Variants in ZNF445 observed in about 807,000 individuals in gnomAD.
The protein encoded by ZNF445 is zinc finger protein 445.
In ZNF445, 19 loss-of-function variants were observed where a neutral mutation model predicts 93.9. That is an observed-to-expected ratio of 0.20 (90% CI 0.14 to 0.30). ZNF445 has a LOEUF of 0.30. Among genes scored for constraint, ZNF445 ranks in the 10% least tolerant of loss-of-function variants. The pLI, the probability that ZNF445 is intolerant of heterozygous loss-of-function variation, is 1.00. For synonymous variants in ZNF445, 449 were observed against 446.3 expected (o/e 1.01, Z -0.08); for missense variants, 1,058 against 1,259.4 (o/e 0.84, Z 2.42).
At position 44,447,245 on chromosome 3, in the gene ZNF445, T is replaced by C; in HGVS notation, c.2426A>G (p.Gln809Arg). Reference protein sequence around the residue: ...FRWSSNLYRHQRIHSLQKQYD... With the variant: ...FRWSSNLYRHRRIHSLQKQYD... ...CTGTTTTTGAAGAGAGTGAATCCTC[T>C]GATGTCGGTAGAGATTGGAACTCCA... Residue 809 changes from glutamine to arginine, a missense_variant, in exon 8 of 8, where the codon CAG (glutamine) becomes CGG (arginine). Gln to Arg is a conservative substitution (Grantham distance 43). Coordinates refer to ENST00000396077, the MANE Select transcript of ZNF445 (RefSeq NM_181489.6). The surrounding 1 kb of genome is among the most constrained non-coding windows in gnomAD (Gnocchi z 4.7). 6.2e-7 allele frequency: 1 copy of C among 1,614,230 alleles called. No homozygotes were observed. Among genetic ancestry groups the C allele is most frequent in the Non-Finnish European group, 8.5e-7 (1 of 1,180,044 alleles).
chr3:44,474,473 C>T (rs1280685301), intron 1 of ZNF445, among the ~76,000 whole-genome samples: 1 of 152,084 alleles, frequency 6.6e-6, no homozygotes, highest in African/African-American at 2.4e-5. Flanking sequence ...GAGATCACGC[C>T]ATTGCACTCC....
At chr3:44,472,942 G>A (rs1018208310) in intron 1 of ZNF445, among the ~76,000 whole-genome samples, 1 of 152,132 alleles carries the variant, frequency 6.6e-6, no homozygotes, top group African/African-American at 2.4e-5. Context: ...AAATGGCTTT[G>A]AAAAGAACAG....
intron 5 of ZNF445, 112 bp downstream of exon 5, chr3:44,450,756 G>C (rs1697945673): frequency 1.6e-6 from 2 of 1,278,850 alleles, no homozygotes; most frequent in African/African-American, 1.5e-5. Flanking sequence ...CTGGAACACG[G>C]GTCTTTGGAT....
In ZNF445 at chr3:44,447,785, T is replaced by G. The variant is rs184649469; in HGVS notation, c.1886A>C (p.Lys629Thr). 6.2e-7 allele frequency: 1 copy of G among 1,614,066 alleles called. No individual in the cohort carries two copies. The highest frequency in any genetic ancestry group is 1.7e-5 in the Admixed American group (1 of 60,018). Residue 629 changes from lysine (K) to threonine (T), a missense_variant, in exon 8 of 8, where the codon AAA (lysine) becomes ACA (threonine). Around this residue, in one of 3 missense-constraint regions of ZNF445, gnomAD observed 14 missense variants for 37.3 expected, o/e 0.38. Transcript: ENST00000396077. The surrounding 1 kb of genome is among the most constrained non-coding windows in gnomAD (Gnocchi z 4.7). The stretch of plus-strand genomic sequence containing the variant: ...TCTCCATCTAAAGGTTTTCCTACAT[T>G]TGGTACATTTATAGGGCTTCTCCTG... Reference protein sequence around the residue: ...HTQEKPYKCTKCRKTFRWRSN... With the variant: ...HTQEKPYKCTTCRKTFRWRSN...
chr3:44,451,558 A>C, intron 3 of ZNF445, 76 bp from the exon 4 acceptor site: 1 of 1,500,394 alleles, frequency 6.7e-7, no homozygotes, highest in Non-Finnish European at 9.1e-7. Flanking sequence ...CCACATGACC[A>C]ATCTCTGAAG....
At position 44,434,638 on chromosome 3, in the gene ZNF445, C is replaced by G. The variant is rs180966166; in HGVS notation, c.*11937G>C. On this transcript the variant is annotated 3_prime_UTR_variant, in exon 8 of 8. Transcript: ENST00000396077. ...AAGGACCTGGGAACTAGATCATGAG[C>G]TGGGCGGCAGAGTTGAGGCAGCCTT... is the stretch of plus-strand genomic sequence containing the variant. The G allele has an allele frequency of 1.3e-4, 20 of 152,290 alleles. No individual in the cohort carries two copies. Among genetic ancestry groups the G allele is most frequent in the Admixed American group, 1.2e-3 (19 of 15,302 alleles). The allele number at this position is 152,290 out of a possible 1,614,324, so 9.4% of individuals were successfully genotyped here. A position where few individuals can be genotyped will look rare whatever the true frequency, so the allele number is the denominator to read the frequency against.
At chr3:44,474,479 A>G (rs1238457329) in intron 1 of ZNF445, among the ~76,000 whole-genome samples, 1 of 152,178 alleles carries the variant, frequency 6.6e-6, no homozygotes, top group Non-Finnish European at 1.5e-5. Flanking sequence ...ACGCCATTGC[A>G]CTCCAGCCAG....
chr3:44,457,608 G>A (rs1698047632), intron 2 of ZNF445, among the ~76,000 whole-genome samples: 1 of 152,140 alleles, frequency 6.6e-6, no homozygotes, highest in African/African-American at 2.4e-5. Flanking sequence ...AAAAGAGGAA[G>A]GGTAGTCTTC....
chr3:44,456,958 G>C (rs1698035685), intron 2 of ZNF445, among the ~76,000 whole-genome samples: 1 of 152,070 alleles, frequency 6.6e-6, no homozygotes, highest in Non-Finnish European at 1.5e-5. Flanking sequence ...CAAAACTCCA[G>C]GTCTACAAAA....
intron 1 of ZNF445, among the ~76,000 whole-genome samples, chr3:44,467,330 A>G (rs1406614692): frequency 6.6e-6 from 1 of 152,240 alleles, no homozygotes; most frequent in Non-Finnish European, 1.5e-5. Context: ...CTTTAGTGCA[A>G]TAAGAATCTG....
intron 1 of ZNF445, among the ~76,000 whole-genome samples, chr3:44,462,524 T>C (rs1393313228): frequency 6.6e-6 from 1 of 152,226 alleles, no homozygotes; most frequent in African/African-American, 2.4e-5. Flanking sequence ...CTGGATTCTA[T>C]TCTTGGCTTC....
At chr3:44,468,323 T>G (rs533379264) in intron 1 of ZNF445, among the ~76,000 whole-genome samples, 49 of 152,336 alleles carry the variant, frequency 3.2e-4, no homozygotes, top group Non-Finnish European at 6.0e-4. Flanking sequence ...TAACTCCATC[T>G]TGCTTCTAAC....
At chr3:44,466,328 C>G (rs1313001686) in intron 1 of ZNF445, among the ~76,000 whole-genome samples, 1 of 152,104 alleles carries the variant, frequency 6.6e-6, no homozygotes, top group African/African-American at 2.4e-5. Flanking sequence ...TCTTTCTAAC[C>G]TAATATTTTA....
At position 44,446,548 on chromosome 3, in the gene ZNF445, C is replaced by T. The variant is rs1482687994; in HGVS notation, c.*27G>A. ...TCTCTAGCAGGGGACTGAGAACCCA[C>T]CCCCACTGTCACTGTCAGGTCCCAG... On this transcript the variant is annotated 3_prime_UTR_variant, in exon 8 of 8. Transcript: ENST00000396077. This position sits in a 1 kb window ranked among gnomAD's most constrained non-coding sequence, Gnocchi z 4.2. The T allele has an allele frequency of 1.2e-6, 2 of 1,613,462 alleles. No homozygotes were observed. The highest frequency in any genetic ancestry group is 8.5e-7 in the Non-Finnish European group (1 of 1,179,932).
rs768349644 is a variant in ZNF445, at chr3:44,446,863, G to C, written c.2808C>G (p.Asp936Glu). ...RSPPARSSSQ[D>E]TKLRLQKLKP... is the part of the protein sequence containing the mutation. ...TTAGCTTCTGTAATCTCAACTTTGT[G>C]TCCTGAGAGGAAGACCGTGCAGGCG... The change falls in exon 8 of 8, where the codon GAC (aspartate) becomes GAG (glutamate). Residue 936 changes from aspartate to glutamate, a missense_variant. By Grantham distance (45) the Asp-to-Glu change is conservative. Coordinates refer to ENST00000396077, the MANE Select transcript of ZNF445 (RefSeq NM_181489.6). The surrounding 1 kb of genome is among the most constrained non-coding windows in gnomAD (Gnocchi z 4.2). The C allele has an allele frequency of 1.9e-6, 3 of 1,614,032 alleles. No homozygotes were observed. The East Asian group carries it at 6.7e-5, about 36-fold the overall frequency.
chr3:44,448,902 G>T (rs1697917800), intron 7 of ZNF445, among the ~76,000 whole-genome samples, 163 bp from the exon 8 acceptor site: 1 of 152,182 alleles, frequency 6.6e-6, no homozygotes, highest in South Asian at 2.1e-4. Flanking sequence ...GATTATCCCA[G>T]ATTACAGGGA....
Position 44,477,598 on chromosome 3 carries a change from C to T in ZNF445, c.-276G>A, listed in dbSNP as rs966642059. ...CCCCGCCAGGCCTCTCACCGACTCCCGCCGCCGAGCGACAATCGGTCCACC... is the reference window on the plus strand; with the variant it reads ...CCCCGCCAGGCCTCTCACCGACTCCTGCCGCCGAGCGACAATCGGTCCACC... On this transcript the variant is annotated 5_prime_UTR_variant, in exon 1 of 8. Coordinates refer to ENST00000396077, the MANE Select transcript of ZNF445 (RefSeq NM_181489.6). 1.3e-5 allele frequency: 2 copies of T among 152,552 alleles called. No individual in the cohort carries two copies. The highest frequency in any genetic ancestry group is 4.8e-5 in the African/African-American group (2 of 41,402). The allele number at this position is 152,552 out of a possible 1,614,324, so 9.4% of individuals were successfully genotyped here. A position where few individuals can be genotyped will look rare whatever the true frequency, so the allele number is the denominator to read the frequency against.
chr3:44,455,589 G>T lies in ZNF445; in HGVS notation c.-40C>A. On this transcript the variant is annotated 5_prime_UTR_variant, in exon 3 of 8. Coordinates refer to ENST00000396077, the MANE Select transcript of ZNF445 (RefSeq NM_181489.6). ...GACTAACCAGAAGAGTGCGAACCAA[G>T]TCCACCTTAGACGTGGGTCCTCAGA... is the stretch of plus-strand genomic sequence containing the variant. 6.6e-7 allele frequency: 1 copy of T among 1,522,018 alleles called. No individual in the cohort carries two copies. The highest frequency in any genetic ancestry group is 8.8e-7 in the Non-Finnish European group (1 of 1,135,056). 94.3% of individuals were successfully genotyped at this position (1,522,018 alleles called of 1,614,324 possible). A position where few individuals can be genotyped will look rare whatever the true frequency, so the allele number is the denominator to read the frequency against.
intron 1 of ZNF445, among the ~76,000 whole-genome samples, chr3:44,476,193 G>C (rs768596113): frequency 2.2e-4 from 33 of 152,172 alleles, no homozygotes; most frequent in South Asian, 6.2e-4. Flanking sequence ...TTTTACTATA[G>C]TTTACTCTCT....
Sources: allele counts gnomAD v4.1 joint callset (sites outside exome capture counted in the v4.1 genomes callset), GRCh38; gene constraint gnomAD v4.1.1; regional missense constraint gnomAD v4.1.1; non-coding constraint Gnocchi (gnomAD v3.1); transcripts MANE v1.5; gene names NCBI Gene and HGNC (gene_info 2026-07-23, HGNC 2026-07-21).